The following CCSER1 variants were observed in gnomAD, a reference collection of about 807,000 sequenced individuals.
The protein encoded by CCSER1 is coiled-coil serine rich protein 1.
A neutral mutation model predicts 82.0 loss-of-function variants in CCSER1; 41 were observed. That is an observed-to-expected ratio of 0.50 (90% CI 0.39 to 0.65). CCSER1 has a LOEUF of 0.65. CCSER1 is among the 30% of genes least tolerant of loss of function. The pLI, the probability that CCSER1 is intolerant of heterozygous loss-of-function variation, is 0.00. For missense variants in CCSER1, 1,119 were observed against 1,064.2 expected (o/e 1.05, Z -0.72); for synonymous variants, 414 against 383.9 (o/e 1.08, Z -0.92).
chr4:91,230,759 C>T (rs1738565548), intron 10 of CCSER1, among the ~76,000 whole-genome samples: 1 of 151,516 alleles, frequency 6.6e-6, no homozygotes, highest in Non-Finnish European at 1.5e-5. Flanking sequence ...TGAATAAAAT[C>T]CTTAATCAGA....
At chr4:91,098,544 A>T (rs111939775) in intron 10 of CCSER1, among the ~76,000 whole-genome samples, 5,070 of 145,520 alleles carry the variant, frequency 0.035, 108 homozygotes, top group South Asian at 0.095. Flanking sequence ...ACTGGAGATA[A>T]TTTTTTTTTT....
At chr4:91,165,896 TGG>T (rs1732003485) in intron 10 of CCSER1, among the ~76,000 whole-genome samples, 2 of 151,732 alleles carry the variant, frequency 1.3e-5, no homozygotes, top group East Asian at 2.0e-4. Context: ...CTGGGAGAGG[TGG>T]TATCCTGCCC....
chr4:91,198,687 T>C (rs1735655023), intron 10 of CCSER1, among the ~76,000 whole-genome samples: 1 of 152,126 alleles, frequency 6.6e-6, no homozygotes, highest in Admixed American at 6.6e-5. Flanking sequence ...TACTAAAAGA[T>C]GTATCAATTT....
intron 8 of CCSER1, among the ~76,000 whole-genome samples, chr4:90,829,236 A>G (rs946518984): frequency 1.3e-5 from 2 of 152,168 alleles, no homozygotes; most frequent in Non-Finnish European, 2.9e-5. Context: ...GGAAGTGCTA[A>G]GATCATCTGC....
chr4:91,039,731 T>A (rs1012202943), intron 9 of CCSER1, among the ~76,000 whole-genome samples: 4 of 151,950 alleles, frequency 2.6e-5, no homozygotes, highest in African/African-American at 7.2e-5. Flanking sequence ...CTGTAAAAAA[T>A]TTTTTAATGT....
chr4:91,144,236 C>T (rs750405345), intron 10 of CCSER1, among the ~76,000 whole-genome samples: 1 of 151,502 alleles, frequency 6.6e-6, no homozygotes. Flanking sequence ...TCTAGATTTT[C>T]TAGTTGATGT....
intron 10 of CCSER1, among the ~76,000 whole-genome samples, chr4:91,384,692 C>CAA (rs1751162171): frequency 6.6e-6 from 1 of 151,884 alleles, no homozygotes; most frequent in African/African-American, 2.4e-5. Context: ...TATTCAGATG[C>CAA]AACAAAATTA....
intron 8 of CCSER1, among the ~76,000 whole-genome samples, chr4:90,919,978 T>G (rs1196238172): frequency 2.0e-5 from 3 of 151,954 alleles, no homozygotes; most frequent in Non-Finnish European, 4.4e-5. Flanking sequence ...CAATTAGGTA[T>G]TTTGTCAGGG....
chr4:90,295,665 T>C (rs1044566125), intron 1 of CCSER1, among the ~76,000 whole-genome samples: 1 of 152,098 alleles, frequency 6.6e-6, no homozygotes, highest in Admixed American at 6.6e-5. Flanking sequence ...TATTGATTTA[T>C]AGTTCTTTAT....
chr4:91,575,521 A>G (rs183631691), intron 10 of CCSER1, among the ~76,000 whole-genome samples: 296 of 152,242 alleles, frequency 1.9e-3, no homozygotes, highest in Non-Finnish European at 3.1e-3. Context: ...CTCAATAGCA[A>G]GAAAACAAAT....
intron 5 of CCSER1, among the ~76,000 whole-genome samples, chr4:90,488,568 AG>A (rs1172227368): frequency 6.6e-6 from 1 of 152,202 alleles, no homozygotes; most frequent in East Asian, 1.9e-4. Flanking sequence ...AAGCCCTCTA[AG>A]TATGAATCTA....
At chr4:90,784,051 T>G (rs1754158329) in intron 7 of CCSER1, among the ~76,000 whole-genome samples, 1 of 152,222 alleles carries the variant, frequency 6.6e-6, no homozygotes, top group African/African-American at 2.4e-5. Context: ...TTGTTGCTAT[T>G]TGTTGTCATT....
chr4:90,281,333 G>A (rs1379014136), intron 1 of CCSER1, among the ~76,000 whole-genome samples: 1 of 151,886 alleles, frequency 6.6e-6, no homozygotes, highest in Non-Finnish European at 1.5e-5. Flanking sequence ...TAGGGACAGG[G>A]TTTTTCCATG....
chr4:91,046,872 C>T (rs1742546189), intron 9 of CCSER1, among the ~76,000 whole-genome samples: 1 of 151,984 alleles, frequency 6.6e-6, no homozygotes, highest in African/African-American at 2.4e-5. Context: ...TGTAAACAAA[C>T]ATGCCCAGCT....
intron 1 of CCSER1, among the ~76,000 whole-genome samples, chr4:90,178,822 G>A (rs1733186428): frequency 2.6e-5 from 4 of 152,150 alleles, no homozygotes; most frequent in Admixed American, 2.6e-4. Flanking sequence ...GACATATAAA[G>A]CATGTTCATA....
chr4:90,478,258 G>C (rs1765373976), intron 5 of CCSER1, among the ~76,000 whole-genome samples: 1 of 152,106 alleles, frequency 6.6e-6, no homozygotes, highest in Admixed American at 6.6e-5. Flanking sequence ...CTTGTAGACA[G>C]ATTGATTCCT....
chr4:91,179,689 A>T (rs943650570), intron 10 of CCSER1, among the ~76,000 whole-genome samples: 1 of 152,152 alleles, frequency 6.6e-6, no homozygotes, highest in Non-Finnish European at 1.5e-5. Context: ...TTTTTATTCT[A>T]GTTAGCCATT....
intron 9 of CCSER1, among the ~76,000 whole-genome samples, chr4:91,004,110 C>G (rs150068047): frequency 6.6e-6 from 1 of 152,162 alleles, no homozygotes; most frequent in African/African-American, 2.4e-5. Flanking sequence ...CCACTTCCTT[C>G]GGAGAGTCTG....
intron 1 of CCSER1, among the ~76,000 whole-genome samples, chr4:90,128,432 G>A (rs369230514): frequency 8.5e-5 from 13 of 152,290 alleles, no homozygotes; most frequent in Middle Eastern, 3.4e-3. Flanking sequence ...CAGCAGTAAC[G>A]GCAGCGACTT....
Sources: gnomAD v4.1 joint callset for allele counts (sites outside exome capture counted in the v4.1 genomes callset) on GRCh38, gnomAD v4.1.1 for gene constraint, MANE v1.5 for transcripts, NCBI Gene and HGNC (gene_info 2026-07-23, HGNC 2026-07-21) for gene names.